RAB3C: variants seen among roughly 807,000 people sequenced by gnomAD.
The protein encoded by RAB3C is RAB3C, member RAS oncogene family.
Under a neutral mutation model 26.4 loss-of-function variants are expected in RAB3C, and 17 were observed. The observed-to-expected ratio is 0.64, with a 90% CI of 0.44 to 0.97. The LOEUF is 0.97. RAB3C is among the 50% of genes least tolerant of loss of function. The pLI is 0.00. For synonymous variants in RAB3C, 91 were observed against 95.9 expected (o/e 0.95, Z 0.30); for missense variants, 242 against 281.9 (o/e 0.86, Z 1.01).
intron 3 of RAB3C, chr5:58,815,648 A>G (rs1743199137): frequency 6.6e-6 from 1 of 152,200 alleles, no homozygotes; most frequent in South Asian, 2.1e-4. Flanking sequence ...TTTTGTGCTT[A>G]TATTCTGAGT....
chr5:58,692,487 C>T (rs1007200128), intron 2 of RAB3C, among the ~76,000 whole-genome samples: 3 of 151,942 alleles, frequency 2.0e-5, no homozygotes, highest in African/African-American at 7.3e-5. Context: ...ACCAAGATAA[C>T]ATTAAATTTA....
At chr5:58,744,088 A>C (rs776086740) in intron 3 of RAB3C, among the ~76,000 whole-genome samples, 18 of 152,208 alleles carry the variant, frequency 1.2e-4, no homozygotes, top group Non-Finnish European at 1.9e-4. Context: ...CAGGAATTCA[A>C]ACTGAAGTGT....
At chr5:58,612,544 ATATG>A (rs1264740030) in intron 1 of RAB3C, among the ~76,000 whole-genome samples, 995 of 56,462 alleles carry the variant, frequency 0.018, 8 homozygotes, top group Non-Finnish European at 0.028. Flanking sequence ...ATATATATAT[ATATG>A]TATATATATA....
In RAB3C at chr5:58,584,100, G is replaced by A. The variant is rs1264183184; in HGVS notation, c.24+868G>A. ...TGTGTAACAGAAAGGCATTTTATGAGTGGGGTTGAGAGAAGAATAGAAAAC... is the reference window on the plus strand; with the variant it reads ...TGTGTAACAGAAAGGCATTTTATGAATGGGGTTGAGAGAAGAATAGAAAAC... On this transcript the variant is annotated intron_variant, in intron 1 of 4. Coordinates refer to ENST00000282878, the MANE Select transcript of RAB3C (RefSeq NM_138453.4). Among the ~76,000 whole-genome samples the A allele has an allele frequency of 3.9e-5, 6 of 152,206 alleles. No individual in the cohort carries two copies. The East Asian group carries it at 1.2e-3, about 29-fold the overall frequency.
chr5:58,807,632 T>G (rs533612479), intron 3 of RAB3C, among the ~76,000 whole-genome samples: 19 of 152,166 alleles, frequency 1.2e-4, no homozygotes, highest in Non-Finnish European at 2.5e-4. Flanking sequence ...AGGAGATTTA[T>G]GTCTCTTCTT....
chr5:58,767,559 G>A (rs1741933637), intron 3 of RAB3C, among the ~76,000 whole-genome samples: 1 of 152,306 alleles, frequency 6.6e-6, no homozygotes, highest in Middle Eastern at 3.4e-3. Context: ...GGCTGCAGAG[G>A]TATTTGGGGT....
At chr5:58,642,272 T>C (rs939658102) in intron 2 of RAB3C, among the ~76,000 whole-genome samples, 20 of 152,218 alleles carry the variant, frequency 1.3e-4, no homozygotes, top group Admixed American at 3.3e-4. Context: ...AAGATAAAAC[T>C]GAGGCACCCA....
intron 3 of RAB3C, among the ~76,000 whole-genome samples, chr5:58,774,165 T>A (rs1178946810): frequency 6.6e-6 from 1 of 152,176 alleles, no homozygotes; most frequent in Non-Finnish European, 1.5e-5. Flanking sequence ...GATCAATGAA[T>A]GAATAAATTA....
rs776400180 is a variant in RAB3C, at chr5:58,617,786, A to G, written c.168A>G (p.Thr56=). ...TCCGTTATGCAGATGACTCCTTTAC[A>G]TCTGCATTCGTCAGCACAGTTGGGA... is the stretch of plus-strand genomic sequence containing the variant. ...FLFRYADDSF[T]SAFVSTVGID... is the part of the protein sequence containing the mutation. The change falls in exon 2 of 5, where the codon ACA becomes ACG. Residue 56 remains threonine (T), a synonymous_variant. Coordinates refer to ENST00000282878, the MANE Select transcript of RAB3C (RefSeq NM_138453.4). 8 of 1,613,832 alleles carry G rather than the reference A, an allele frequency of 5.0e-6. No homozygotes were observed. The highest frequency in any genetic ancestry group is 2.7e-5 in the African/African-American group (2 of 75,024).
Position 58,840,958 on chromosome 5 carries a change from T to C in RAB3C, c.497-10206T>C, listed in dbSNP as rs190484299. 9.5e-4 allele frequency among the ~76,000 whole-genome samples: 144 copies of C among 152,302 alleles called. No individual in the cohort carries two copies. The Middle Eastern group carries it at 0.01, about 11-fold the overall frequency. ...CTAGAATTGTGCCTGCCAGGAGTGG[T>C]CCGTGGAACTATTTCTCAGGTCTAC... is the stretch of plus-strand genomic sequence containing the variant. On this transcript the variant is annotated intron_variant, in intron 4 of 4. Transcript: ENST00000282878.
chr5:58,762,547 G>T (rs28368328), intron 3 of RAB3C, among the ~76,000 whole-genome samples: 1 of 152,082 alleles, frequency 6.6e-6, no homozygotes, highest in African/African-American at 2.4e-5. Context: ...ACAAAAATTA[G>T]CTGGGCGTCG....
rs531216864 is a variant in RAB3C, at chr5:58,718,237, C to T, written c.253-7765C>T. ...TTCTCCTGCCTTTGTGTTAAACATT[C>T]TTAGAAAACAAGCACTGAAATAAAA... On this transcript the variant is annotated intron_variant, in intron 2 of 4. Transcript: ENST00000282878. Among the ~76,000 whole-genome samples, 13 of 152,160 alleles carry T rather than the reference C, an allele frequency of 8.5e-5. No individual in the cohort carries two copies. In the South Asian group the frequency reaches 2.7e-3, roughly 32 times the overall value.
intron 2 of RAB3C, among the ~76,000 whole-genome samples, chr5:58,636,989 G>A (rs927801350): frequency 1.3e-5 from 2 of 151,978 alleles, no homozygotes; most frequent in African/African-American, 4.8e-5. Flanking sequence ...TTTAATAATA[G>A]GTTAGTTATT....
chr5:58,668,858 A>T (rs1463139163), intron 2 of RAB3C, among the ~76,000 whole-genome samples: 1 of 152,132 alleles, frequency 6.6e-6, no homozygotes, highest in African/African-American at 2.4e-5. Flanking sequence ...AATACCATAG[A>T]CTGGGTGGCT....
At chr5:58,669,336 C>A (rs563478999) in intron 2 of RAB3C, among the ~76,000 whole-genome samples, 1 of 152,086 alleles carries the variant, frequency 6.6e-6, no homozygotes, top group South Asian at 2.1e-4. Flanking sequence ...TAGAAAATAC[C>A]CCTGTTGAGA....
At chr5:58,790,792 A>G (rs1742507868) in intron 3 of RAB3C, among the ~76,000 whole-genome samples, 1 of 152,078 alleles carries the variant, frequency 6.6e-6, no homozygotes, top group Non-Finnish European at 1.5e-5. Context: ...ATAAAAACCC[A>G]ACTCAATTTT....
chr5:58,798,391 A>C (rs1034368695), intron 3 of RAB3C, among the ~76,000 whole-genome samples: 4 of 152,226 alleles, frequency 2.6e-5, no homozygotes, highest in African/African-American at 9.6e-5. Context: ...GTAATGAGAC[A>C]AACTGACCTG....
chr5:58,794,030 G>A (rs78363780), intron 3 of RAB3C, among the ~76,000 whole-genome samples: 2,128 of 152,226 alleles, frequency 0.014, 55 homozygotes, highest in African/African-American at 0.048. Flanking sequence ...AATGCAGAAT[G>A]TGAAGCCTCC....
chr5:58,701,756 A>T (rs1019262001), intron 2 of RAB3C, among the ~76,000 whole-genome samples: 1 of 152,056 alleles, frequency 6.6e-6, no homozygotes, highest in African/African-American at 2.4e-5. Flanking sequence ...ACCTCATCAA[A>T]TCTCTTTCTC....
Sources: gnomAD v4.1 joint callset for allele counts (sites outside exome capture counted in the v4.1 genomes callset) on GRCh38, gnomAD v4.1.1 for gene constraint, MANE v1.5 for transcripts, NCBI Gene and HGNC (gene_info 2026-07-23, HGNC 2026-07-21) for gene names.